The following DCAF8L2 variants were observed in gnomAD, a reference collection of about 807,000 sequenced individuals.
DCAF8L2 encodes DDB1- and CUL4-associated factor 8-like protein 2.
For synonymous variants in DCAF8L2, 200 were observed against 190.9 expected, an observed-to-expected ratio of 1.05 and a Z score of -0.39; for missense variants, 430 against 490.7, an observed-to-expected ratio of 0.88 and a Z score of 1.17.
the DCAF8L2 span, among the ~76,000 whole-genome samples, chrX:27,542,940 G>C: frequency 9.0e-6 from 1 of 111,563 alleles, no homozygotes; most frequent in African/African-American, 3.3e-5. Flanking sequence ...TATGTCTTCT[G>C]TCTACTCTGC....
chrX:27,480,415 C>T, the DCAF8L2 span, among the ~76,000 whole-genome samples: 2 of 112,169 alleles, frequency 1.8e-5, no homozygotes, highest in East Asian at 5.6e-4. Context: ...CAACATCATG[C>T]ATGCTCCTTT....
chrX:27,547,883 CTCTCTCTT>C, the DCAF8L2 span, among the ~76,000 whole-genome samples: 22 of 36,164 alleles, frequency 6.1e-4, 1 homozygote, highest in Non-Finnish European at 9.4e-4. Flanking sequence ...CTCTCTCTCT[CTCTCTCTT>C]TCTCTCTCTC....
chrX:27,691,476 T>C (rs1265947810), intron 3 of DCAF8L2, among the ~76,000 whole-genome samples: 1 of 111,451 alleles, frequency 9.0e-6, no homozygotes, highest in African/African-American at 3.2e-5. Flanking sequence ...ATTGGTTATT[T>C]GATGGAAAGA....
At chrX:27,726,923 A>T (rs959897107) in intron 4 of DCAF8L2, among the ~76,000 whole-genome samples, 3 of 111,826 alleles carry the variant, frequency 2.7e-5, no homozygotes, top group African/African-American at 9.7e-5. Context: ...TGTTGGGTAT[A>T]TACTGAATAG....
rs760259551 is a variant in DCAF8L2, at chrX:27,661,382, G to T, written c.-219-16454G>T. Among the ~76,000 whole-genome samples, 5 of 111,709 alleles carry T rather than the reference G, an allele frequency of 4.5e-5. 1 individual carries two copies. The highest frequency in any genetic ancestry group is 1.6e-4 in the African/African-American group (5 of 30,759). ...TTATTGGTGAATTCCAGTGTTCTCT[G>T]CTAGAACTTCCATTTGACTTGTGGT... On this transcript the variant is annotated intron_variant, in intron 2 of 4. Transcript: ENST00000451261.
chrX:27,556,357 A>G, the DCAF8L2 span, among the ~76,000 whole-genome samples: 2 of 111,740 alleles, frequency 1.8e-5, no homozygotes, highest in African/African-American at 6.5e-5. Flanking sequence ...TGATGTATGT[A>G]CCAGCATTTC....
At chrX:27,683,483 G>T (rs1009500743) in intron 3 of DCAF8L2, among the ~76,000 whole-genome samples, 1 of 112,298 alleles carries the variant, frequency 8.9e-6, no homozygotes, top group Non-Finnish European at 1.9e-5. Flanking sequence ...CAGTAGTAAC[G>T]AAGCCCTTTC....
chrX:27,493,145 G>A, the DCAF8L2 span, among the ~76,000 whole-genome samples: 1 of 111,343 alleles, frequency 9.0e-6, no homozygotes, highest in South Asian at 3.8e-4. Context: ...GGAGGCTGAG[G>A]TGGGAGGATC....
intron 1 of DCAF8L2, among the ~76,000 whole-genome samples, chrX:27,622,704 T>G (rs1927834237): frequency 9.0e-6 from 1 of 111,382 alleles, no homozygotes; most frequent in African/African-American, 3.3e-5. Flanking sequence ...AAATAACGTT[T>G]AATGATATGT....
chrX:27,656,144 A>G (rs1200531884), intron 2 of DCAF8L2, among the ~76,000 whole-genome samples: 1 of 111,701 alleles, frequency 9.0e-6, no homozygotes, highest in Non-Finnish European at 1.9e-5. Flanking sequence ...TATTTGTAGC[A>G]TCGCCATTAC....
chrX:27,589,510 T>TTTGTAA (rs113444295), upstream of DCAF8L2, among the ~76,000 whole-genome samples: 9,612 of 111,795 alleles, frequency 0.086, 804 homozygotes, highest in African/African-American at 0.27. Context: ...GCTTCATAGC[T>TTTGTAA]TCATACCATC....
intron 1 of DCAF8L2, among the ~76,000 whole-genome samples, chrX:27,612,856 G>T (rs1477072945): frequency 1.8e-5 from 2 of 111,738 alleles, no homozygotes; most frequent in Non-Finnish European, 3.8e-5. Flanking sequence ...CTGTAGCCTT[G>T]TGGTATAGTT....
At chrX:27,492,581 G>T in the DCAF8L2 span, among the ~76,000 whole-genome samples, 2 of 107,979 alleles carry the variant, frequency 1.9e-5, no homozygotes, top group Non-Finnish European at 3.8e-5. Context: ...CCAGGTTTAA[G>T]CAATTCTCCT....
At chrX:27,587,705 C>T (rs888968587), upstream of DCAF8L2, among the ~76,000 whole-genome samples, 8 of 110,847 alleles carry the variant, frequency 7.2e-5, no homozygotes, top group African/African-American at 2.6e-4. Context: ...AAACTGACTT[C>T]CCCAAAGGGA....
At chrX:27,541,333 T>G in the DCAF8L2 span, among the ~76,000 whole-genome samples, 1 of 99,645 alleles carries the variant, frequency 1.0e-5, no homozygotes, top group South Asian at 4.9e-4. Flanking sequence ...ATAAATTTTT[T>G]TATTTTTTAT....
At chrX:27,534,208 C>CAAA in the DCAF8L2 span, among the ~76,000 whole-genome samples, 6 of 83,069 alleles carry the variant, frequency 7.2e-5, no homozygotes, top group Admixed American at 1.4e-4. Context: ...GACCCTGTCT[C>CAAA]AAAAAAAAAA....
chrX:27,580,898 G>A, the DCAF8L2 span, among the ~76,000 whole-genome samples: 1 of 110,937 alleles, frequency 9.0e-6, no homozygotes. Flanking sequence ...GTGAACCACG[G>A]AAATAGTTTT....
At chrX:27,540,329 G>A in the DCAF8L2 span, among the ~76,000 whole-genome samples, 10 of 111,654 alleles carry the variant, frequency 9.0e-5, no homozygotes, top group Non-Finnish European at 1.3e-4. Context: ...TAAAGATTTG[G>A]AAATAGATGG....
chrX:27,578,937 G>A, the DCAF8L2 span, among the ~76,000 whole-genome samples: 1 of 110,138 alleles, frequency 9.1e-6, no homozygotes, highest in Admixed American at 9.6e-5. Context: ...TGGAGAAATA[G>A]GAACACTTTT....
Sources: gnomAD v4.1 joint callset for allele counts (sites outside exome capture counted in the v4.1 genomes callset) on GRCh38, gnomAD v4.1.1 for gene constraint, MANE v1.5 for transcripts, NCBI Gene and HGNC (gene_info 2026-07-23, HGNC 2026-07-21) for gene names.